CTNNA2: variants seen among roughly 807,000 people sequenced by gnomAD.
The protein encoded by CTNNA2 is catenin alpha 2, also known as catenin alpha-2.
A neutral mutation model predicts 101.0 loss-of-function variants in CTNNA2; 42 were observed. That is an observed-to-expected ratio of 0.42 (90% confidence interval 0.32 to 0.54). The LOEUF (loss-of-function observed/expected upper bound fraction) is 0.54. CTNNA2 is among the 20% of genes least tolerant of loss of function. CTNNA2 has a pLI of 0.14. For missense variants in CTNNA2, 871 were observed against 1,223.1 expected, an observed-to-expected ratio of 0.71 and a Z score of 4.29; for synonymous variants, 450 against 456.4, an observed-to-expected ratio of 0.99 and a Z score of 0.18.
chr2:79,996,592 T>C (rs1558712180), intron 7 of CTNNA2, among the ~76,000 whole-genome samples: 1 of 152,200 alleles, frequency 6.6e-6, no homozygotes, highest in Non-Finnish European at 1.5e-5. Context: ...TGATCCTTTT[T>C]TGAGTCACTG....
At chr2:80,448,252 C>G (rs552372009) in intron 9 of CTNNA2, among the ~76,000 whole-genome samples, 3 of 152,268 alleles carry the variant, frequency 2.0e-5, no homozygotes, top group South Asian at 2.1e-4. Flanking sequence ...ATTCAGCAGC[C>G]TGGATTTACT....
chr2:79,278,832 G>A (rs1353410730), intron 2 of CTNNA2, among the ~76,000 whole-genome samples: 1 of 152,094 alleles, frequency 6.6e-6, no homozygotes. Context: ...GGGTAAAGAG[G>A]GCCAGGTCCT....
chr2:79,450,046 T>G (rs1217502362), intron 4 of CTNNA2, among the ~76,000 whole-genome samples: 1 of 151,970 alleles, frequency 6.6e-6, no homozygotes, highest in African/African-American at 2.4e-5. Context: ...CCATGAGAGA[T>G]GTCTGAGACC....
At chr2:80,257,785 G>A (rs1672289828) in intron 7 of CTNNA2, among the ~76,000 whole-genome samples, 1 of 152,192 alleles carries the variant, frequency 6.6e-6, no homozygotes, top group East Asian at 1.9e-4. Flanking sequence ...ATTGAACAAG[G>A]AGGCCAGATA....
intron 2 of CTNNA2, among the ~76,000 whole-genome samples, chr2:79,202,727 C>T (rs948643461): frequency 5.6e-5 from 6 of 107,084 alleles, no homozygotes; most frequent in Non-Finnish European, 9.3e-5. Flanking sequence ...TATGGTTCTA[C>T]GTTTCTTTGT....
chr2:79,840,871 G>T (rs10177580), intron 3 of CTNNA2, among the ~76,000 whole-genome samples: 51,006 of 151,632 alleles, frequency 0.34, 9,103 homozygotes, highest in South Asian at 0.42. Context: ...CCGGGTTCAC[G>T]CCATTCTCCT....
chr2:80,449,878 G>C (rs1683359933), intron 9 of CTNNA2, among the ~76,000 whole-genome samples: 1 of 152,148 alleles, frequency 6.6e-6, no homozygotes, highest in Admixed American at 6.6e-5. Flanking sequence ...GCTTTTTAAA[G>C]TATTTACTGT....
At chr2:80,335,812 G>T (rs1671722941) in intron 7 of CTNNA2, among the ~76,000 whole-genome samples, 1 of 152,060 alleles carries the variant, frequency 6.6e-6, no homozygotes, top group African/African-American at 2.4e-5. Flanking sequence ...ATCCATATTT[G>T]TTTCTGAAAA....
intron 6 of CTNNA2, among the ~76,000 whole-genome samples, chr2:79,902,499 C>G (rs542189742): frequency 2.9e-4 from 44 of 152,136 alleles, no homozygotes; most frequent in Non-Finnish European, 6.2e-4. Context: ...TACCACTACC[C>G]GATGTTCATA....
intron 2 of CTNNA2, among the ~76,000 whole-genome samples, chr2:79,266,611 C>A (rs1674989955): frequency 6.6e-6 from 1 of 151,968 alleles, no homozygotes; most frequent in Non-Finnish European, 1.5e-5. Context: ...GGGTTGCTTT[C>A]ATGATGGTTG....
At chr2:79,262,923 G>C (rs971224553) in intron 2 of CTNNA2, among the ~76,000 whole-genome samples, 1 of 152,142 alleles carries the variant, frequency 6.6e-6, no homozygotes, top group Non-Finnish European at 1.5e-5. Flanking sequence ...CTAGGTGCTA[G>C]ATCTACAATA....
intron 7 of CTNNA2, among the ~76,000 whole-genome samples, chr2:79,924,957 T>G (rs1379883542): frequency 6.6e-6 from 1 of 152,076 alleles, no homozygotes; most frequent in East Asian, 1.9e-4. Flanking sequence ...GAAACTTTGT[T>G]TCAGAGTCTG....
At chr2:79,223,375 A>G (rs1674369956) in intron 2 of CTNNA2, among the ~76,000 whole-genome samples, 1 of 152,188 alleles carries the variant, frequency 6.6e-6, no homozygotes, top group African/African-American at 2.4e-5. Flanking sequence ...TTACTTTGTT[A>G]TGACATCCTG....
At position 80,058,669 on chromosome 2, in the gene CTNNA2, G is replaced by A. The variant is rs138801590; in HGVS notation, c.1056+148872G>A. On this transcript the variant is annotated intron_variant, in intron 7 of 18. Coordinates refer to ENST00000402739, the MANE Select transcript of CTNNA2 (RefSeq NM_001282597.3). Reference sequence around the variant, plus strand: ...GATCTTGGGAGGTGTTTGGGTAGATGTTATTTTAAGTGCCATAGAACCTTA... The same window carrying A: ...GATCTTGGGAGGTGTTTGGGTAGATATTATTTTAAGTGCCATAGAACCTTA... 9.7e-3 allele frequency among the ~76,000 whole-genome samples: 1,475 copies of A among 152,224 alleles called. 23 individuals carry two copies. The highest frequency in any genetic ancestry group is 0.034 in the African/African-American group (1,411 of 41,524).
rs561012632 is a variant in CTNNA2, at chr2:80,568,123, G to A, written c.1742-6040G>A. On this transcript the variant is annotated intron_variant, in intron 12 of 18. Transcript: ENST00000402739. ...CTTGCTCAATGGTGATGCTCCTTCT[G>A]AAGAAGCAGAGTCCTGAAAGAATCC... Among the ~76,000 whole-genome samples, 30 of 152,256 alleles carry A rather than the reference G, an allele frequency of 2.0e-4. No individual in the cohort carries two copies. The South Asian group carries it at 6.0e-3, about 31-fold the overall frequency.
At chr2:79,592,480 G>A (rs1676927268) in intron 1 of CTNNA2, among the ~76,000 whole-genome samples, 1 of 151,952 alleles carries the variant, frequency 6.6e-6, no homozygotes, top group Non-Finnish European at 1.5e-5. Context: ...GATCATGTGG[G>A]AAAATTTCTT....
intron 7 of CTNNA2, among the ~76,000 whole-genome samples, chr2:80,383,301 CA>C (rs1353146302): frequency 6.6e-6 from 1 of 152,176 alleles, no homozygotes; most frequent in Admixed American, 6.5e-5. Context: ...TTTTCCAAAT[CA>C]TCTATCCCTT....
intron 12 of CTNNA2, among the ~76,000 whole-genome samples, chr2:80,558,720 G>A (rs1395454406): frequency 6.6e-6 from 1 of 152,054 alleles, no homozygotes; most frequent in African/African-American, 2.4e-5. Flanking sequence ...TGTAGGGTGA[G>A]AGAGGGTGGT....
intron 1 of CTNNA2, among the ~76,000 whole-genome samples, chr2:79,605,347 T>C (rs1235494892): frequency 1.3e-5 from 2 of 152,138 alleles, no homozygotes; most frequent in Non-Finnish European, 2.9e-5. Flanking sequence ...CATTGAGCTG[T>C]GGGACAATGT....
Sources: gnomAD v4.1 joint callset for allele counts (sites outside exome capture counted in the v4.1 genomes callset) on GRCh38, gnomAD v4.1.1 for gene constraint, MANE v1.5 for transcripts, NCBI Gene and HGNC (gene_info 2026-07-23, HGNC 2026-07-21) for gene names.